Variants in SNX1 observed in about 807,000 individuals in gnomAD.
The protein encoded by SNX1 is sorting nexin-1.
SNX1 carries 36 observed loss-of-function variants against 71.8 expected under a neutral mutation model. That is an observed-to-expected ratio of 0.50 (90% CI 0.38 to 0.66). The LOEUF (loss-of-function observed/expected upper bound fraction) is 0.66, where lower values mean the gene tolerates loss of function less well. Ranked by LOEUF, SNX1 falls within the 30% of genes least tolerant of loss-of-function variation. The pLI, the probability that SNX1 is intolerant of heterozygous loss-of-function variation, is 0.00. For missense variants in SNX1, 612 were observed against 646.7 expected (o/e 0.95, Z 0.58); for synonymous variants, 254 against 240.7 (o/e 1.06, Z -0.51).
rs148027154 is a variant in SNX1, at chr15:64,138,226, T to A, written c.*608T>A. On this transcript the variant is annotated 3_prime_UTR_variant, in exon 15 of 15. Transcript: ENST00000559844. ...TCTCAATCTGTTTCGTATTCCCACT[T>A]CTTTAGGGAAGGAGTTTTAAAAACA... The A allele has an allele frequency of 1.6e-3, 2,420 of 1,489,050 alleles. 9 individuals are homozygous for A. Among genetic ancestry groups the A allele is most frequent in the Non-Finnish European group, 1.6e-3 (1,788 of 1,129,692 alleles). 92.2% of individuals were successfully genotyped at this position (1,489,050 alleles called of 1,614,324 possible).
intron 11 of SNX1, among the ~76,000 whole-genome samples, chr15:64,132,668 G>C (rs1052946938): frequency 6.6e-6 from 1 of 152,174 alleles, no homozygotes; most frequent in African/African-American, 2.4e-5. Context: ...TTTCGCTTGG[G>C]ATCAGGATGT....
chr15:64,130,881 C>A (rs72755093), intron 10 of SNX1, among the ~76,000 whole-genome samples: 6,901 of 152,270 alleles, frequency 0.045, 199 homozygotes, highest in South Asian at 0.084. Flanking sequence ...CAAATCTGAC[C>A]CTGGTTCCTA....
At chr15:64,127,119 AT>A in intron 6 of SNX1, 54 bp from the exon 7 acceptor site, 1 of 1,355,632 alleles carries the variant, frequency 7.4e-7, no homozygotes, top group Non-Finnish European at 1.0e-6. Context: ...AAAAAAAAAG[AT>A]TTATCCTCTT....
In SNX1 at chr15:64,141,034, A is replaced by G. The variant is rs1215926022; in HGVS notation, c.*3416A>G. 8.5e-6 allele frequency: 1 copy of G among 117,798 alleles called. No homozygotes were observed. Among genetic ancestry groups the G allele is most frequent in the Non-Finnish European group, 1.7e-5 (1 of 57,276 alleles). 7.3% of individuals were successfully genotyped at this position (117,798 alleles called of 1,614,324 possible). A position where few individuals can be genotyped will look rare whatever the true frequency, so the allele number is the denominator to read the frequency against. ...ATAGATAGATAGATAGATGATAGAT[A>G]TAGATAGATAGATAGATTGATTGAT... On this transcript the variant is annotated 3_prime_UTR_variant, in exon 15 of 15. Transcript: ENST00000559844. This position sits in a 1 kb window ranked among gnomAD's most constrained non-coding sequence, Gnocchi z 5.1.
chr15:64,128,964 A>G (rs2081280117), intron 8 of SNX1, among the ~76,000 whole-genome samples: 1 of 152,172 alleles, frequency 6.6e-6, no homozygotes, highest in African/African-American at 2.4e-5. Flanking sequence ...AACTACTGCC[A>G]GGCCAGGCGC....
intron 2 of SNX1, among the ~76,000 whole-genome samples, chr15:64,113,913 CCCCATGG>C (rs2140141213): frequency 6.6e-6 from 1 of 152,110 alleles, no homozygotes; most frequent in African/African-American, 2.4e-5. Flanking sequence ...GAAAAAGGGG[CCCCATGG>C]TTGGGCAGGA....
chr15:64,104,553 G>A (rs1162650252), intron 1 of SNX1, among the ~76,000 whole-genome samples: 3 of 152,024 alleles, frequency 2.0e-5, no homozygotes, highest in Non-Finnish European at 2.9e-5. Context: ...GATTACAGGC[G>A]TGAGCCACTG....
chr15:64,133,547 T>G (rs755024841), intron 11 of SNX1, among the ~76,000 whole-genome samples: 8 of 152,130 alleles, frequency 5.3e-5, no homozygotes, highest in African/African-American at 1.2e-4. Flanking sequence ...CTGGCCAGTG[T>G]GGCGAAACCC....
rs1199777573 is a variant in SNX1, at chr15:64,142,490, A to C, written c.*4872A>C. The C allele has an allele frequency of 5.8e-6, 2 of 343,316 alleles. No individual in the cohort carries two copies. The highest frequency in any genetic ancestry group is 5.8e-6 in the Non-Finnish European group (1 of 172,424). The allele number at this position is 343,316 out of a possible 1,614,324, so 21.3% of individuals were successfully genotyped here. ...TGACTATCAGAGCCATGTTTGGAAG[A>C]AAATGGGGTCCAGAGCACAGGAAGG... On this transcript the variant is annotated 3_prime_UTR_variant, in exon 15 of 15. Transcript: ENST00000559844.
At chr15:64,120,995 G>T (rs544269391) in intron 4 of SNX1, among the ~76,000 whole-genome samples, 1 of 152,286 alleles carries the variant, frequency 6.6e-6, no homozygotes, top group South Asian at 2.1e-4. Context: ...TCCTGGTAGG[G>T]CACAGTGTGG....
intron 1 of SNX1, among the ~76,000 whole-genome samples, chr15:64,103,374 T>C (rs759518564): frequency 6.6e-6 from 1 of 152,228 alleles, no homozygotes; most frequent in Non-Finnish European, 1.5e-5. Flanking sequence ...TGTTGTTTTT[T>C]GTATTTTTAA....
At chr15:64,098,481 G>C (rs963081826) in intron 1 of SNX1, among the ~76,000 whole-genome samples, 1 of 152,106 alleles carries the variant, frequency 6.6e-6, no homozygotes, top group African/African-American at 2.4e-5. Flanking sequence ...ATCACTTGAG[G>C]CCAGGAATCG....
intron 1 of SNX1, among the ~76,000 whole-genome samples, chr15:64,103,241 A>C (rs1305653370): frequency 6.6e-6 from 1 of 152,186 alleles, no homozygotes; most frequent in Admixed American, 6.5e-5. Flanking sequence ...GCTGGATGCT[A>C]TGGTAGTTAC....
intron 5 of SNX1, among the ~76,000 whole-genome samples, chr15:64,124,147 CATATATATATATATATATAT>C (rs10523424): frequency 2.8e-5 from 3 of 105,430 alleles, no homozygotes; most frequent in South Asian, 4.4e-4. Context: ...GAAATCTTTA[CATATATATATATATATATAT>C]ATATATATAT....
At chr15:64,112,762 A>C in intron 2 of SNX1, 78 bp downstream of exon 2, 1 of 784,702 alleles carries the variant, frequency 1.3e-6, no homozygotes, top group Non-Finnish European at 2.0e-6. Context: ...TCAAAACCAA[A>C]AAAAAAAAAA....
rs1229901926 is a variant in SNX1, at chr15:64,138,171, T to C, written c.*553T>C. The C allele has an allele frequency of 2.0e-6, 3 of 1,535,466 alleles. No homozygotes were observed. In the Admixed American group the frequency reaches 5.9e-5, roughly 30 times the overall value. On this transcript the variant is annotated 3_prime_UTR_variant, in exon 15 of 15. Transcript: ENST00000559844. ...CCTCTGGAAATGGGGTTTCTTTCTC[T>C]CCGCCTACCTCAGCTACCTGTTCTG...
chr15:64,124,147 C>CATATGTATATATATAT (rs1222104314), intron 5 of SNX1, among the ~76,000 whole-genome samples: 7 of 105,430 alleles, frequency 6.6e-5, no homozygotes, highest in Non-Finnish European at 1.2e-4. Flanking sequence ...GAAATCTTTA[C>CATATGTATATATATAT]ATATATATAT....
intron 1 of SNX1, among the ~76,000 whole-genome samples, chr15:64,109,550 T>G (rs1471888225): frequency 6.6e-6 from 1 of 152,014 alleles, no homozygotes; most frequent in Non-Finnish European, 1.5e-5. Context: ...CGTTCTGTTG[T>G]CCAGGCTGGA....
chr15:64,131,485 T>TC, intron 10 of SNX1: 1 of 572,474 alleles, frequency 1.7e-6, no homozygotes, highest in Non-Finnish European at 3.1e-6. Context: ...CTGGTGCCTC[T>TC]CCCTCCTGCT....
Sources: allele counts gnomAD v4.1 joint callset (sites outside exome capture counted in the v4.1 genomes callset), GRCh38; gene constraint gnomAD v4.1.1; non-coding constraint Gnocchi (gnomAD v3.1); transcripts MANE v1.5; gene names NCBI Gene and HGNC (gene_info 2026-07-23, HGNC 2026-07-21).